The following CFAP299 variants were observed in gnomAD, a reference collection of about 807,000 sequenced individuals.
CFAP299 encodes the protein cilia and flagella associated protein 299.
Under a neutral mutation model 27.0 loss-of-function variants are expected in CFAP299, and 21 were observed. That is an observed-to-expected ratio of 0.78 (90% confidence interval 0.55 to 1.12). The LOEUF (loss-of-function observed/expected upper bound fraction) is 1.12. Ranked by LOEUF, CFAP299 falls within the 50% of genes most tolerant of loss-of-function variation. The pLI is 0.00. For synonymous variants in CFAP299, 104 were observed against 98.1 expected, an observed-to-expected ratio of 1.06 and a Z score of -0.36; for missense variants, 310 against 276.6, an observed-to-expected ratio of 1.12 and a Z score of -0.86.
At chr4:80,803,399 G>A (rs1459219068) in intron 3 of CFAP299, among the ~76,000 whole-genome samples, 1 of 151,984 alleles carries the variant, frequency 6.6e-6, no homozygotes, top group African/African-American at 2.4e-5. Context: ...ATAATTGAAA[G>A]AATTATTATC....
intron 3 of CFAP299, among the ~76,000 whole-genome samples, chr4:80,783,913 C>G (rs888431009): frequency 3.1e-4 from 47 of 152,112 alleles, no homozygotes; most frequent in African/African-American, 9.9e-4. Flanking sequence ...CCACCCCCAC[C>G]CCTGGTAACA....
intron 2 of CFAP299, among the ~76,000 whole-genome samples, chr4:80,430,102 G>A (rs919117121): frequency 2.0e-5 from 3 of 151,148 alleles, no homozygotes; most frequent in African/African-American, 7.3e-5. Context: ...TTTTATTTTG[G>A]GTTTTCATAT....
intron 2 of CFAP299, among the ~76,000 whole-genome samples, chr4:80,570,191 A>T (rs920718583): frequency 6.6e-6 from 1 of 152,094 alleles, no homozygotes; most frequent in Admixed American, 6.6e-5. Context: ...AAAGTTTTAA[A>T]CATTGCATAG....
rs193188829 is a variant in CFAP299 at position 80,746,133 on chromosome 4, C to T, written c.334-123860C>T. On this transcript the variant is annotated intron_variant, in intron 3 of 5. Coordinates refer to ENST00000358105, the MANE Select transcript of CFAP299 (RefSeq NM_152770.3). ...AGGCAAAAGAGACCTATATTTGAGTCTTGTTTCAACCACTTATTAAATTTT... is the reference window on the plus strand; with the variant it reads ...AGGCAAAAGAGACCTATATTTGAGTTTTGTTTCAACCACTTATTAAATTTT... Among the ~76,000 whole-genome samples the T allele has an allele frequency of 7.9e-4, 120 of 151,992 alleles. 1 individual carries two copies. Among genetic ancestry groups the T allele is most frequent in the African/African-American group, 2.7e-3 (112 of 41,502 alleles).
chr4:80,875,001 T>C (rs1313707127), intron 4 of CFAP299, among the ~76,000 whole-genome samples: 2 of 152,220 alleles, frequency 1.3e-5, no homozygotes, highest in Non-Finnish European at 2.9e-5. Flanking sequence ...AATACATTAT[T>C]AAAATAATTT....
intron 3 of CFAP299, among the ~76,000 whole-genome samples, chr4:80,656,119 C>A (rs2109975581): frequency 6.6e-6 from 1 of 152,128 alleles, no homozygotes; most frequent in African/African-American, 2.4e-5. Context: ...CCGGTGTTTG[C>A]ATTGTTCATT....
At chr4:80,798,435 G>T (rs1351034073) in intron 3 of CFAP299, among the ~76,000 whole-genome samples, 1 of 152,118 alleles carries the variant, frequency 6.6e-6, no homozygotes, top group African/African-American at 2.4e-5. Flanking sequence ...AGTGCCCCGA[G>T]ATTCATCAGT....
intron 2 of CFAP299, among the ~76,000 whole-genome samples, chr4:80,574,214 T>C (rs1452034730): frequency 6.6e-6 from 1 of 152,140 alleles, no homozygotes; most frequent in Non-Finnish European, 1.5e-5. Context: ...TGTTTGTAGC[T>C]ATAGTAAATG....
chr4:80,952,003 G>A (rs1049143113), intron 5 of CFAP299, among the ~76,000 whole-genome samples: 6 of 152,116 alleles, frequency 3.9e-5, no homozygotes, highest in African/African-American at 9.7e-5. Flanking sequence ...CCAGAGAGTG[G>A]GCGAGGGGTT....
At chr4:80,799,322 A>ATATTTATATAATATTTATATATATGAATG (rs1728102936) in intron 3 of CFAP299, among the ~76,000 whole-genome samples, 1 of 84,622 alleles carries the variant, frequency 1.2e-5, no homozygotes, top group African/African-American at 5.8e-5. Context: ...ATATATAAAT[A>ATATTTATATAATATTTATATATATGAATG]TATTTATATA....
intron 3 of CFAP299, among the ~76,000 whole-genome samples, chr4:80,599,414 C>T (rs1737216786): frequency 6.6e-6 from 1 of 152,156 alleles, no homozygotes; most frequent in African/African-American, 2.4e-5. Context: ...ATGTGCCTAA[C>T]ATTCATATCC....
intron 2 of CFAP299, among the ~76,000 whole-genome samples, chr4:80,424,940 G>A (rs1490357927): frequency 1.3e-5 from 2 of 152,152 alleles, no homozygotes; most frequent in African/African-American, 2.4e-5. Context: ...CCAGCACATA[G>A]TCCACGGATA....
intron 3 of CFAP299, among the ~76,000 whole-genome samples, chr4:80,769,170 T>C (rs533442746): frequency 1.2e-4 from 19 of 152,278 alleles, no homozygotes; most frequent in African/African-American, 4.6e-4. Flanking sequence ...ATACATCTTG[T>C]TTAGTGCTTA....
chr4:80,380,421 C>CTTTTTTTTTTT (rs1560538174), intron 2 of CFAP299, among the ~76,000 whole-genome samples: 3 of 109,066 alleles, frequency 2.8e-5, no homozygotes, highest in African/African-American at 1.0e-4. Flanking sequence ...TTGTGTCTCA[C>CTTTTTTTTTTT]ATTTTTTTTT....
chr4:80,599,040 A>T (rs1737197381), intron 3 of CFAP299, among the ~76,000 whole-genome samples: 1 of 152,200 alleles, frequency 6.6e-6, no homozygotes, highest in African/African-American at 2.4e-5. Context: ...CAACTATGTG[A>T]AAGTAAAAGC....
intron 3 of CFAP299, among the ~76,000 whole-genome samples, chr4:80,820,005 G>C (rs116550405): frequency 0.011 from 1,608 of 152,158 alleles, 31 homozygotes; most frequent in African/African-American, 0.035. Flanking sequence ...TCTCCAGAGA[G>C]TCTGAAAAGT....
At position 80,335,823 on chromosome 4, in the gene CFAP299, G is replaced by A. The variant is rs374263426; in HGVS notation, c.55G>A (p.Ala19Thr). 1.9e-6 allele frequency: 3 copies of A among 1,613,890 alleles called. No individual in the cohort carries two copies. The highest frequency in any genetic ancestry group is 2.5e-6 in the Non-Finnish European group (3 of 1,179,766). ...ALDNIVTQFN[A>T]YEDFLDSQIT... ...GGACAATATTGTCACTCAATTCAAC[G>A]CCTATGAAGATTTCCTGGACTCGCA... The change falls in exon 1 of 6, where the codon GCC becomes ACC. Residue 19 changes from alanine (A) to threonine (T), a missense_variant. Transcript: ENST00000358105.
At chr4:80,862,380 G>GTAAATAAA (rs879769975) in intron 3 of CFAP299, among the ~76,000 whole-genome samples, 20 of 151,466 alleles carry the variant, frequency 1.3e-4, no homozygotes, top group Admixed American at 9.9e-4. Flanking sequence ...GAAAAATATA[G>GTAAATAAA]TAAATAAATA....
chr4:80,779,031 C>A (rs566162330), intron 3 of CFAP299, among the ~76,000 whole-genome samples: 1 of 152,076 alleles, frequency 6.6e-6, no homozygotes, highest in African/African-American at 2.4e-5. Flanking sequence ...GTTTTCTAAG[C>A]ATTTCATATA....
Sources: gnomAD v4.1 joint callset for allele counts (sites outside exome capture counted in the v4.1 genomes callset) on GRCh38, gnomAD v4.1.1 for gene constraint, MANE v1.5 for transcripts, NCBI Gene and HGNC (gene_info 2026-07-23, HGNC 2026-07-21) for gene names.